Variants in AKAP6 observed in about 807,000 individuals in gnomAD.
AKAP6 encodes A-kinase anchor protein 6.
Under a neutral mutation model 188.5 loss-of-function variants are expected in AKAP6, and 58 were observed. The ratio of observed to expected loss-of-function variants is 0.31; its 90% CI spans 0.25 to 0.38. AKAP6 has a LOEUF of 0.38. AKAP6 is among the 10% of genes least tolerant of loss of function. The probability of loss-of-function intolerance (pLI) is 1.00; values close to 1 mark genes in which losing one functional copy is unlikely to be tolerated. For synonymous variants in AKAP6, 989 were observed against 998.6 expected, an observed-to-expected ratio of 0.99 and a Z score of 0.18; for missense variants, 2,710 against 2,740.0, an observed-to-expected ratio of 0.99 and a Z score of 0.24.
intron 2 of AKAP6, among the ~76,000 whole-genome samples, chr14:32,498,574 A>T (rs1880444719): frequency 6.6e-6 from 1 of 152,106 alleles, no homozygotes; most frequent in Non-Finnish European, 1.5e-5. Context: ...TATGTAGCAA[A>T]TATTTGTTCA....
intron 12 of AKAP6, among the ~76,000 whole-genome samples, chr14:32,792,255 A>G (rs4341673): frequency 0.18 from 27,251 of 152,144 alleles, 3,125 homozygotes; most frequent in African/African-American, 0.32. Context: ...ATCCATGAGC[A>G]TGGAATGTTT....
In AKAP6 at chr14:32,545,688, G is replaced by C; in HGVS notation, c.1035G>C (p.Gln345His). ...NAAQPSSETV[Q>H]QESSSSSHHD... ...CTCAACCCTCCTCTGAGACTGTGCAGCAAGAATCCAGTTCCTCCTCCCATC... is the reference window on the plus strand; with the variant it reads ...CTCAACCCTCCTCTGAGACTGTGCACCAAGAATCCAGTTCCTCCTCCCATC... The change falls in exon 4 of 14, where the codon CAG (glutamine) becomes CAC (histidine). Residue 345 changes from glutamine (Q) to histidine (H), a missense_variant. Physicochemically the swap from Gln to His is conservative, Grantham distance 24. This residue lies in a region of AKAP6 where 2,473 missense variants were observed against 2,426.1 expected (regional missense o/e 1.02). Coordinates refer to ENST00000280979, the MANE Select transcript of AKAP6 (RefSeq NM_004274.5). The C allele has an allele frequency of 6.2e-7, 1 of 1,614,180 alleles. No homozygotes were observed. The highest frequency in any genetic ancestry group is 8.5e-7 in the Non-Finnish European group (1 of 1,180,024).
intron 7 of AKAP6, among the ~76,000 whole-genome samples, chr14:32,643,776 G>A (rs548115525): frequency 1.3e-5 from 2 of 152,204 alleles, no homozygotes; most frequent in Admixed American, 6.5e-5. Flanking sequence ...AGACAGAGAC[G>A]TGTCCTTTAT....
intron 11 of AKAP6, among the ~76,000 whole-genome samples, chr14:32,761,617 G>C (rs1279277186): frequency 6.6e-6 from 1 of 152,070 alleles, no homozygotes; most frequent in Non-Finnish European, 1.5e-5. Context: ...TCGCCTGTGT[G>C]TTCTACATTA....
intron 1 of AKAP6, among the ~76,000 whole-genome samples, chr14:32,383,368 T>C (rs1362026320): frequency 6.6e-6 from 1 of 152,184 alleles, no homozygotes; most frequent in Non-Finnish European, 1.5e-5. Context: ...TGTCATTTCC[T>C]AATCTAGTCT....
Position 32,773,875 on chromosome 14 carries a change from G to T in AKAP6, c.3570G>T (p.Lys1190Asn). ...QAVQWQTRLQ[K>N]KMGKESETLN... is the part of the protein sequence containing the mutation. ...TCCAGTGGCAAACACGTCTACAAAA[G>T]AAGATGGGAAAGGAATCTGTGAGTG... The change falls in exon 12 of 14, where the codon AAG becomes AAT. Residue 1190 changes from lysine (K) to asparagine (N), a missense_variant. By Grantham distance (94) the Lys-to-Asn change is moderately conservative (BLOSUM62 0). Around this residue, in one of 2 missense-constraint regions of AKAP6, gnomAD observed 2,473 missense variants for 2,426.1 expected, o/e 1.02. Transcript: ENST00000280979. The T allele has an allele frequency of 6.2e-7, 1 of 1,614,036 alleles. No individual in the cohort carries two copies. Among genetic ancestry groups the T allele is most frequent in the African/African-American group, 1.3e-5 (1 of 75,048 alleles).
intron 2 of AKAP6, among the ~76,000 whole-genome samples, chr14:32,507,998 C>G (rs1384033995): frequency 1.3e-5 from 2 of 152,184 alleles, no homozygotes; most frequent in Non-Finnish European, 2.9e-5. Flanking sequence ...AGTTCTGTCA[C>G]TAACTGGTCT....
At chr14:32,486,430 G>C (rs1009560819) in intron 2 of AKAP6, among the ~76,000 whole-genome samples, 77 of 152,224 alleles carry the variant, frequency 5.1e-4, no homozygotes, top group African/African-American at 1.8e-3. Context: ...TCACAACATT[G>C]ATTTTTCCTA....
rs1434836659 is a variant in AKAP6, at chr14:32,367,324, T to C, written c.-35+37916T>C. Reference sequence around the variant, plus strand: ...AGTGACTGAAAGCATGATTTAAGAATATGAAGTGGTTAGAAGTGTGTGTGC... The same window carrying C: ...AGTGACTGAAAGCATGATTTAAGAACATGAAGTGGTTAGAAGTGTGTGTGC... On this transcript the variant is annotated intron_variant, in intron 1 of 13. Coordinates refer to ENST00000280979, the MANE Select transcript of AKAP6 (RefSeq NM_004274.5). 2.0e-5 allele frequency among the ~76,000 whole-genome samples: 3 copies of C among 152,230 alleles called. No homozygotes were observed. In the East Asian group the frequency reaches 5.8e-4, roughly 29 times the overall value.
At chr14:32,712,971 A>G (rs1350958857) in intron 9 of AKAP6, among the ~76,000 whole-genome samples, 1 of 133,604 alleles carries the variant, frequency 7.5e-6, no homozygotes, top group Non-Finnish European at 1.7e-5. Flanking sequence ...AGGAATCACT[A>G]TCTATGGCAG....
intron 8 of AKAP6, among the ~76,000 whole-genome samples, chr14:32,679,096 A>T (rs1889563280): frequency 1.3e-5 from 2 of 152,200 alleles, no homozygotes; most frequent in Non-Finnish European, 2.9e-5. Context: ...ATATTTAGAT[A>T]ATTCCAAATG....
At chr14:32,411,494 A>AT (rs1222895444) in intron 1 of AKAP6, among the ~76,000 whole-genome samples, 2 of 152,044 alleles carry the variant, frequency 1.3e-5, no homozygotes, top group African/African-American at 4.8e-5. Context: ...GAGACCCTCT[A>AT]TTTTATTCTC....
At chr14:32,570,299 T>G in intron 4 of AKAP6, among the ~76,000 whole-genome samples, 1 of 76,616 alleles carries the variant, frequency 1.3e-5, no homozygotes, top group South Asian at 4.9e-4. Context: ...CCCAGCTGAT[T>G]TTTGTATTTT....
At chr14:32,456,993 CT>C (rs1173448464) in intron 2 of AKAP6, among the ~76,000 whole-genome samples, 4 of 152,098 alleles carry the variant, frequency 2.6e-5, no homozygotes, top group Non-Finnish European at 4.4e-5. Context: ...CAAGATGTAA[CT>C]TCATAGACAG....
chr14:32,357,820 A>T (rs974555707), intron 1 of AKAP6, among the ~76,000 whole-genome samples: 1 of 152,338 alleles, frequency 6.6e-6, no homozygotes, highest in South Asian at 2.1e-4. Context: ...GATGTGAAGG[A>T]CATCTGTTAG....
At chr14:32,809,518 G>C (rs1176182596) in intron 12 of AKAP6, among the ~76,000 whole-genome samples, 2 of 152,176 alleles carry the variant, frequency 1.3e-5, no homozygotes, top group Non-Finnish European at 1.5e-5. Context: ...CCCCAGCAAA[G>C]GGAGCAGGAC....
intron 8 of AKAP6, 42 bp downstream of exon 8, chr14:32,678,501 A>AT: frequency 2.5e-6 from 4 of 1,604,910 alleles, no homozygotes; most frequent in South Asian, 1.1e-5. Context: ...TCACTAATCT[A>AT]TTTTTTCAAT....
intron 9 of AKAP6, among the ~76,000 whole-genome samples, chr14:32,705,321 A>G (rs1038216660): frequency 1.3e-5 from 2 of 152,192 alleles, no homozygotes; most frequent in Non-Finnish European, 2.9e-5. Flanking sequence ...CAATTTTAAT[A>G]TCTAGCTAAA....
intron 2 of AKAP6, among the ~76,000 whole-genome samples, chr14:32,464,683 C>T (rs1156777413): frequency 6.6e-6 from 1 of 152,152 alleles, no homozygotes; most frequent in African/African-American, 2.4e-5. Context: ...TGAAAACCGG[C>T]ACAAGACAAG....
Sources: gnomAD v4.1 joint callset for allele counts (sites outside exome capture counted in the v4.1 genomes callset) on GRCh38, gnomAD v4.1.1 for gene constraint, gnomAD v4.1.1 regional missense constraint, MANE v1.5 for transcripts, NCBI Gene and HGNC (gene_info 2026-07-23, HGNC 2026-07-21) for gene names.